The following MYLK3 variants were observed in gnomAD, a reference collection of about 807,000 sequenced individuals.
The protein encoded by MYLK3 is MLC kinase.
In MYLK3, 55 loss-of-function variants were observed where a neutral mutation model predicts 76.3. The observed-to-expected ratio is 0.72, with a 90% CI of 0.58 to 0.90. The LOEUF (loss-of-function observed/expected upper bound fraction) is 0.90. Among genes scored for constraint, MYLK3 ranks in the 40% least tolerant of loss-of-function variants. The pLI is 0.00. For missense variants in MYLK3, 973 were observed against 1,053.6 expected (o/e 0.92, Z 1.06); for synonymous variants, 416 against 425.4 (o/e 0.98, Z 0.27).
chr16:46,702,823 G>A lies in MYLK3; in HGVS notation c.*4881C>T, dbSNP rs1966589148. Among the ~76,000 whole-genome samples, 3 of 151,952 alleles carry A rather than the reference G, an allele frequency of 2.0e-5. No individual in the cohort carries two copies. The highest frequency in any genetic ancestry group is 7.3e-5 in the African/African-American group (3 of 41,360). On this transcript the variant is annotated 3_prime_UTR_variant, in exon 13 of 13. Coordinates refer to ENST00000394809, the MANE Select transcript of MYLK3 (RefSeq NM_182493.3). Reference sequence around the variant, plus strand: ...TAGTCCCAGCTACTTGGGAGGCTGAGGCAGGAGAAATCACTTGAACTCGGG... The same window carrying A: ...TAGTCCCAGCTACTTGGGAGGCTGAAGCAGGAGAAATCACTTGAACTCGGG...
rs74485049 is a variant in MYLK3 at position 46,759,720 on chromosome 16, C to T, written c.-114+3320G>A. Among the ~76,000 whole-genome samples the T allele has an allele frequency of 1.3e-4, 20 of 152,104 alleles. No individual in the cohort carries two copies. In the East Asian group the frequency reaches 2.7e-3, roughly 21 times the overall value. ...TCTGCTCACTGCAACCTCTGCCTCC[C>T]GGGCTCAAGCAGTTCTCCTGCCTCA... On this transcript the variant is annotated intron_variant, in intron 1 of 11. Transcript: ENST00000536476.
At position 46,705,133 on chromosome 16, in the gene MYLK3, T is replaced by C. The variant is rs941512246; in HGVS notation, c.*2571A>G. 6.6e-6 allele frequency: 1 copy of C among 152,202 alleles called. No individual in the cohort carries two copies. Among genetic ancestry groups the C allele is most frequent in the Non-Finnish European group, 1.5e-5 (1 of 68,042 alleles). 9.4% of individuals were successfully genotyped at this position (152,202 alleles called of 1,614,324 possible). ...GATAACCTCTCCACCTGCCTACCTC[T>C]CTGTCAAAAAGCAAGAGCCTCTGTT... On this transcript the variant is annotated 3_prime_UTR_variant, in exon 13 of 13. Transcript: ENST00000394809.
At chr16:46,731,554 G>A (rs766539284) in intron 4 of MYLK3, among the ~76,000 whole-genome samples, 2 of 152,116 alleles carry the variant, frequency 1.3e-5, no homozygotes, top group Admixed American at 6.5e-5. Context: ...TCCAACTACC[G>A]GGAACACCGA....
chr16:46,707,714 G>T lies in MYLK3; in HGVS notation c.2450C>A (p.Thr817Asn), dbSNP rs147929012. Residue 817 changes from threonine to asparagine, a missense_variant, in exon 13 of 13, where the codon ACT becomes AAT. Around this residue, in one of 2 missense-constraint regions of MYLK3, gnomAD observed 332 missense variants for 416.6 expected, o/e 0.80. Transcript: ENST00000394809. ...TAANRLRKFP[T>N]SP Reference sequence around the variant, plus strand: ...CAGCAGAGTTGAAGATTAGGGAGAAGTTGGAAATTTCCTTAACCTGTTGGC... The same window carrying T: ...CAGCAGAGTTGAAGATTAGGGAGAATTTGGAAATTTCCTTAACCTGTTGGC... 1.3e-4 allele frequency: 208 copies of T among 1,611,804 alleles called. No homozygotes were observed. In the African/African-American group the frequency reaches 2.5e-3, roughly 20 times the overall value.
chr16:46,729,851 C>A, intron 5 of MYLK3, 164 bp from the exon 6 acceptor site: 1 of 637,202 alleles, frequency 1.6e-6, no homozygotes, highest in Non-Finnish European at 2.8e-6. Context: ...TATCCCGAAA[C>A]CTGCAAAGCA....
At chr16:46,756,007 A>C (rs1967196345) in intron 1 of MYLK3, among the ~76,000 whole-genome samples, 1 of 145,060 alleles carries the variant, frequency 6.9e-6, no homozygotes, top group Non-Finnish European at 1.5e-5. Flanking sequence ...TCCCGGGTTC[A>C]AGCAATTCTC....
chr16:46,709,461 AGG>A, intron 12 of MYLK3, 76 bp downstream of exon 12: 11 of 1,475,640 alleles, frequency 7.5e-6, no homozygotes, highest in Admixed American at 2.3e-5. Context: ...AAAAAAGAAA[AGG>A]AAACTTAGCT....
intron 9 of MYLK3, among the ~76,000 whole-genome samples, chr16:46,713,480 G>A (rs148589669): frequency 3.9e-5 from 6 of 152,260 alleles, no homozygotes; most frequent in East Asian, 1.9e-4. Context: ...TTACATGCAT[G>A]AGCCACTACA....
chr16:46,715,955 G>T (rs1450322480), intron 9 of MYLK3, among the ~76,000 whole-genome samples: 1 of 152,174 alleles, frequency 6.6e-6, no homozygotes, highest in African/African-American at 2.4e-5. Context: ...CAAGAAGCAG[G>T]CCAGTTTGGC....
intron 11 of MYLK3, 84 bp downstream of exon 11, chr16:46,710,553 C>T: frequency 9.5e-6 from 14 of 1,476,184 alleles, no homozygotes; most frequent in Non-Finnish European, 1.3e-5. Flanking sequence ...GGAAGAAGGA[C>T]CTTCACGGTC....
chr16:46,715,150 A>G (rs957888682), intron 9 of MYLK3, among the ~76,000 whole-genome samples: 1 of 152,222 alleles, frequency 6.6e-6, no homozygotes, highest in South Asian at 2.1e-4. Flanking sequence ...AATATTTAGT[A>G]TCTTCTATTT....
chr16:46,717,341 A>G (rs1460797836), intron 9 of MYLK3, among the ~76,000 whole-genome samples: 1 of 152,188 alleles, frequency 6.6e-6, no homozygotes, highest in Non-Finnish European at 1.5e-5. Flanking sequence ...AGGAAATACA[A>G]TTTGAGAGTT....
At chr16:46,739,500 G>A (rs1168823376) in intron 2 of MYLK3, among the ~76,000 whole-genome samples, 2 of 152,060 alleles carry the variant, frequency 1.3e-5, no homozygotes, top group East Asian at 1.9e-4. Flanking sequence ...TCACTTAGAC[G>A]TAGATTTTCT....
intron 1 of MYLK3, among the ~76,000 whole-genome samples, chr16:46,759,442 A>C (rs1300203766): frequency 6.6e-6 from 1 of 152,122 alleles, no homozygotes; most frequent in East Asian, 1.9e-4. Context: ...TCCTTACATC[A>C]ATTACTGTAC....
upstream of MYLK3, among the ~76,000 whole-genome samples, chr16:46,748,584 T>C (rs960691533): frequency 6.6e-6 from 1 of 152,126 alleles, no homozygotes; most frequent in Non-Finnish European, 1.5e-5. The surrounding 1 kb of genome is among the most constrained non-coding windows in gnomAD (Gnocchi z 4.3). Flanking sequence ...AAAGGGTCCT[T>C]TGGAGAACGG....
Position 46,748,333 on chromosome 16 carries a change from C to T in MYLK3, c.-140G>A. ...CTGGCAGCACCAACCTCCACGATGGCCTGGGCTGTGTGAGGAGCGCAGAGG... is the reference window on the plus strand; with the variant it reads ...CTGGCAGCACCAACCTCCACGATGGTCTGGGCTGTGTGAGGAGCGCAGAGG... On this transcript the variant is annotated 5_prime_UTR_variant, in exon 1 of 13. Transcript: ENST00000394809. This position sits in a 1 kb window ranked among gnomAD's most constrained non-coding sequence, Gnocchi z 4.3. The T allele has an allele frequency of 7.0e-7, 1 of 1,423,260 alleles. No homozygotes were observed. The highest frequency in any genetic ancestry group is 1.4e-5 in the African/African-American group (1 of 69,648). The allele number at this position is 1,423,260 out of a possible 1,614,324, so 88.2% of individuals were successfully genotyped here. A position where few individuals can be genotyped will look rare whatever the true frequency, so the allele number is the denominator to read the frequency against.
chr16:46,737,776 G>A lies in MYLK3; in HGVS notation c.936C>T (p.Cys312=), dbSNP rs1264599225. Residue 312 remains cysteine (C), a synonymous_variant, in exon 3 of 13, where the codon TGC becomes TGT. Coordinates refer to ENST00000394809, the MANE Select transcript of MYLK3 (RefSeq NM_182493.3). ...GGGCTGGCAGCCCTGGAGGCCCTGG[G>A]CACTGAGGGCCAGGCCCTGGAGTCA... ...TRLTPGPGPQ[C]PGPPGLPAQA... The A allele has an allele frequency of 6.2e-7, 1 of 1,611,698 alleles. No individual in the cohort carries two copies. The highest frequency in any genetic ancestry group is 1.7e-5 in the Admixed American group (1 of 60,028).
chr16:46,735,836 A>G (rs989297348), intron 3 of MYLK3, among the ~76,000 whole-genome samples: 15 of 152,158 alleles, frequency 9.9e-5, no homozygotes, highest in Admixed American at 7.2e-4. Flanking sequence ...TTGGGTCTTC[A>G]CTTCCAGGGG....
upstream of MYLK3, among the ~76,000 whole-genome samples, chr16:46,750,308 G>A (rs10468399): frequency 0.18 from 27,725 of 152,218 alleles, 2,943 homozygotes; most frequent in African/African-American, 0.28. Flanking sequence ...CCAGACAAGA[G>A]AGGCAGACCC....
Sources: gnomAD v4.1 joint callset for allele counts (sites outside exome capture counted in the v4.1 genomes callset) on GRCh38, gnomAD v4.1.1 for gene constraint, gnomAD v4.1.1 regional missense constraint, Gnocchi (gnomAD v3.1) non-coding constraint, MANE v1.5 for transcripts, NCBI Gene and HGNC (gene_info 2026-07-23, HGNC 2026-07-21) for gene names.